MAP3K20: variants seen among roughly 807,000 people sequenced by gnomAD.
MAP3K20 encodes HCCS-4.
MAP3K20 carries 40 observed loss-of-function variants against 85.7 expected under a neutral mutation model. The ratio of observed to expected loss-of-function variants is 0.47; its 90% confidence interval spans 0.36 to 0.61. The LOEUF is 0.61. MAP3K20 is among the 20% of genes least tolerant of loss of function. The pLI is 0.00. For missense variants in MAP3K20, 817 were observed against 961.7 expected, an observed-to-expected ratio of 0.85 and a Z score of 1.99; for synonymous variants, 325 against 327.7, an observed-to-expected ratio of 0.99 and a Z score of 0.09.
intron 7 of MAP3K20, 89 bp from the exon 8 acceptor site, chr2:173,197,937 A>G: frequency 8.6e-7 from 1 of 1,165,532 alleles, no homozygotes; most frequent in Non-Finnish European, 1.2e-6. Context: ...TGGTAATTAG[A>G]TACAATTACA....
At chr2:173,181,017 T>TA (rs1481109146) in intron 3 of MAP3K20, among the ~76,000 whole-genome samples, 4 of 151,820 alleles carry the variant, frequency 2.6e-5, no homozygotes, top group African/African-American at 4.8e-5. Context: ...TATCTAGAAC[T>TA]AAAAAAAATT....
At chr2:173,256,150 G>A (rs920286486) in intron 16 of MAP3K20, among the ~76,000 whole-genome samples, 1 of 152,220 alleles carries the variant, frequency 6.6e-6, no homozygotes, top group Non-Finnish European at 1.5e-5. Flanking sequence ...GAAAACATCA[G>A]GCACCCCCAG....
intron 2 of MAP3K20, among the ~76,000 whole-genome samples, chr2:173,147,152 G>A (rs559100019): frequency 1.0e-3 from 153 of 152,136 alleles, no homozygotes; most frequent in Non-Finnish European, 1.9e-3. Context: ...TATTCTGTGG[G>A]TTGTCTTTTC....
At chr2:173,107,768 C>A (rs1687825248) in intron 2 of MAP3K20, among the ~76,000 whole-genome samples, 1 of 152,112 alleles carries the variant, frequency 6.6e-6, no homozygotes, top group African/African-American at 2.4e-5. Context: ...ATAGAGTCCA[C>A]TTCATAAGGC....
chr2:173,254,476 T>G (rs1309933870), intron 16 of MAP3K20, among the ~76,000 whole-genome samples: 1 of 151,914 alleles, frequency 6.6e-6, no homozygotes, highest in East Asian at 1.9e-4. Flanking sequence ...CTGTGCCCAT[T>G]ACCTGGTCCC....
intron 2 of MAP3K20, among the ~76,000 whole-genome samples, chr2:173,125,161 G>A (rs1287831161): frequency 1.3e-5 from 2 of 152,042 alleles, no homozygotes; most frequent in African/African-American, 4.8e-5. Flanking sequence ...AGAAGGAATG[G>A]GTATACCATT....
chr2:173,134,420 A>T (rs1167643443), intron 2 of MAP3K20, among the ~76,000 whole-genome samples: 1,066 of 5,944 alleles, frequency 0.18, 112 homozygotes, highest in Non-Finnish European at 0.26. Flanking sequence ...ATATATATAT[A>T]TATATATATT....
At chr2:173,256,342 A>G (rs537632253) in intron 16 of MAP3K20, among the ~76,000 whole-genome samples, 4 of 152,030 alleles carry the variant, frequency 2.6e-5, no homozygotes, top group African/African-American at 9.7e-5. Flanking sequence ...TTCAAAAAAC[A>G]CAGAGCCAGG....
At chr2:173,253,967 A>G (rs570900831) in intron 16 of MAP3K20, among the ~76,000 whole-genome samples, 1 of 151,456 alleles carries the variant, frequency 6.6e-6, no homozygotes, top group African/African-American at 2.4e-5. Flanking sequence ...GCTACCTGGG[A>G]GGCTGATGTG....
At chr2:173,200,910 G>C (rs903912017) in intron 8 of MAP3K20, among the ~76,000 whole-genome samples, 4 of 152,264 alleles carry the variant, frequency 2.6e-5, no homozygotes, top group African/African-American at 7.2e-5. Context: ...GGGATTACAG[G>C]CATGAGCCAA....
At chr2:173,183,394 C>CA (rs918103352) in intron 4 of MAP3K20, among the ~76,000 whole-genome samples, 1 of 151,668 alleles carries the variant, frequency 6.6e-6, no homozygotes, top group Non-Finnish European at 1.5e-5. Context: ...AAACCACTTG[C>CA]AAAAAAAATT....
chr2:173,163,339 TA>T (rs1689719629), intron 2 of MAP3K20, among the ~76,000 whole-genome samples: 1 of 152,200 alleles, frequency 6.6e-6, no homozygotes, highest in African/African-American at 2.4e-5. Context: ...CATGTGTACT[TA>T]GTGTTTAGCT....
intron 2 of MAP3K20, among the ~76,000 whole-genome samples, chr2:173,157,644 A>G (rs900358621): frequency 6.6e-6 from 1 of 152,228 alleles, no homozygotes; most frequent in Admixed American, 6.5e-5. Context: ...CACTTAGCTA[A>G]TCAGATTGTG....
chr2:173,094,734 G>A (rs114033198), intron 2 of MAP3K20, among the ~76,000 whole-genome samples: 2,170 of 152,282 alleles, frequency 0.014, 51 homozygotes, highest in African/African-American at 0.049. Context: ...CATAGGTTGT[G>A]TGTCCTTGGT....
chr2:173,258,744 G>C lies in MAP3K20; in HGVS notation c.1405G>C (p.Ala469Pro). 1 of 1,612,658 alleles carries C rather than the reference G, an allele frequency of 6.2e-7. No individual in the cohort carries two copies. Among genetic ancestry groups the C allele is most frequent in the Non-Finnish European group, 8.5e-7 (1 of 1,179,018 alleles). ...TATGGAGATGGATGGGGATGAAATT[G>C]CAATAACCTACATAAAAGATGTGAC... ...MYMEMDGDEI[A>P]ITYIKDVTFN... is the part of the protein sequence containing the mutation. The change falls in exon 17 of 20, where the codon GCA becomes CCA. Residue 469 changes from alanine to proline, a missense_variant. Ala to Pro is a conservative substitution (Grantham distance 27). Around this residue, in one of 4 missense-constraint regions of MAP3K20, gnomAD observed 454 missense variants for 476.9 expected, o/e 0.95. Coordinates refer to ENST00000375213, the MANE Select transcript of MAP3K20 (RefSeq NM_016653.3).
intron 2 of MAP3K20, among the ~76,000 whole-genome samples, chr2:173,104,125 A>G (rs1240576094): frequency 6.6e-6 from 1 of 152,228 alleles, no homozygotes; most frequent in Non-Finnish European, 1.5e-5. Context: ...ATTCATTTCC[A>G]AAGATTCAAG....
chr2:173,232,911 C>CAA (rs1684556496), intron 14 of MAP3K20, among the ~76,000 whole-genome samples: 1 of 152,158 alleles, frequency 6.6e-6, no homozygotes, highest in Non-Finnish European at 1.5e-5. Flanking sequence ...AATGCTTACA[C>CAA]AAGTTGATAA....
rs76567554 is a variant in MAP3K20 at position 173,139,196 on chromosome 2, G to A, written c.160-30609G>A. 4.6e-3 allele frequency among the ~76,000 whole-genome samples: 703 copies of A among 152,306 alleles called. 5 individuals are homozygous for A. The highest frequency in any genetic ancestry group is 6.7e-3 in the Non-Finnish European group (458 of 68,012). ...GGAGAAGTACAGTGCTTAATCTGAGGTTTTTCTGGCTTTGGACCCAGTGTG... is the reference window on the plus strand; with the variant it reads ...GGAGAAGTACAGTGCTTAATCTGAGATTTTTCTGGCTTTGGACCCAGTGTG... On this transcript the variant is annotated intron_variant, in intron 2 of 19. Transcript: ENST00000375213.
intron 6 of MAP3K20, 45 bp downstream of exon 6, chr2:173,190,968 T>C (rs1690631669): frequency 1.2e-6 from 2 of 1,608,466 alleles, no homozygotes; most frequent in South Asian, 1.1e-5. Context: ...ATTTCAGATG[T>C]AGATTTTTGT....
Sources: gnomAD v4.1 joint callset for allele counts (sites outside exome capture counted in the v4.1 genomes callset) on GRCh38, gnomAD v4.1.1 for gene constraint, gnomAD v4.1.1 regional missense constraint, MANE v1.5 for transcripts, NCBI Gene and HGNC (gene_info 2026-07-23, HGNC 2026-07-21) for gene names.